The following RPH3AL variants were observed in gnomAD, a reference collection of about 807,000 sequenced individuals.
The protein encoded by RPH3AL is rab effector Noc2.
Under a neutral mutation model 43.1 loss-of-function variants are expected in RPH3AL, and 38 were observed. The ratio of observed to expected loss-of-function variants is 0.88; its 90% CI spans 0.68 to 1.15. The LOEUF (loss-of-function observed/expected upper bound fraction) is 1.15. RPH3AL is among the 50% of genes most tolerant of loss of function. The pLI is 0.00. For synonymous variants in RPH3AL, 189 were observed against 176.3 expected (o/e 1.07, Z -0.57); for missense variants, 462 against 423.2 (o/e 1.09, Z -0.81).
At chr17:351,937 G>A (rs2045361173) in intron 1 of RPH3AL, among the ~76,000 whole-genome samples, 1 of 152,226 alleles carries the variant, frequency 6.6e-6, no homozygotes, top group African/African-American at 2.4e-5. Flanking sequence ...AGGGACAAGG[G>A]TCCCGAAACG....
intron 5 of RPH3AL, among the ~76,000 whole-genome samples, chr17:304,317 A>G (rs987340892): frequency 8.6e-5 from 13 of 151,732 alleles, no homozygotes; most frequent in Non-Finnish European, 1.5e-5. Flanking sequence ...TCCAGGTGAG[A>G]GACCTGAAGC....
chr17:259,184 T>C (rs986514062), intron 6 of RPH3AL, among the ~76,000 whole-genome samples: 3 of 152,216 alleles, frequency 2.0e-5, no homozygotes, highest in Non-Finnish European at 4.4e-5. Context: ...CCAGCATGGC[T>C]GGTGATCTGG....
Position 215,727 on chromosome 17 carries a change from G to A in RPH3AL, c.803C>T (p.Ala268Val). 1 of 1,306,476 alleles carries A rather than the reference G, an allele frequency of 7.7e-7. No homozygotes were observed. 80.9% of individuals were successfully genotyped at this position (1,306,476 alleles called of 1,614,324 possible). The change falls in exon 9 of 10, where the codon GCC (alanine) becomes GTC (valine). Residue 268 changes from alanine to valine, a missense_variant. Transcript: ENST00000331302. This position sits in a 1 kb window ranked among gnomAD's most constrained non-coding sequence, Gnocchi z 4.1. Reference protein sequence around the residue: ...GHLSGCQSSLASGETGTGSAD... With the variant: ...GHLSGCQSSLVSGETGTGSAD... ...AGAGCCTGTCCCCGTCTCACCACTG[G>A]CCAGGCTGCTCTGGCACCCAGAGAG...
chr17:314,628 C>G (rs1339743241), intron 5 of RPH3AL, among the ~76,000 whole-genome samples: 1 of 118,644 alleles, frequency 8.4e-6, no homozygotes, highest in Non-Finnish European at 2.0e-5. Flanking sequence ...TGCCCCACCT[C>G]CATTGACCTG....
rs75224243 is a variant in RPH3AL at position 232,799 on chromosome 17, C to G, written c.614-13063G>C. Among the ~76,000 whole-genome samples the G allele has an allele frequency of 3.8e-3, 576 of 151,450 alleles. 4 individuals carry two copies. The highest frequency in any genetic ancestry group is 0.013 in the African/African-American group (548 of 41,134). On this transcript the variant is annotated intron_variant, in intron 7 of 9. Coordinates refer to ENST00000331302, the MANE Select transcript of RPH3AL (RefSeq NM_006987.4). ...TCAGGTGGTTCAAAGACAACTCCCC[C>G]CTTCCTTGTCTCTAAACAGTCCTTT...
chr17:285,851 G>A (rs764343499), intron 5 of RPH3AL, among the ~76,000 whole-genome samples: 15 of 152,092 alleles, frequency 9.9e-5, no homozygotes, highest in African/African-American at 2.7e-4. Context: ...GCCCCTCAGC[G>A]CGGCTCTATC....
At chr17:251,721 C>A (rs1311150430) in intron 6 of RPH3AL, among the ~76,000 whole-genome samples, 1 of 152,244 alleles carries the variant, frequency 6.6e-6, no homozygotes, top group African/African-American at 2.4e-5. Flanking sequence ...GAGCAGGTAC[C>A]CAAGTCCAAA....
At chr17:324,285 T>A (rs1347257141) in intron 3 of RPH3AL, among the ~76,000 whole-genome samples, 1 of 152,194 alleles carries the variant, frequency 6.6e-6, no homozygotes, top group Non-Finnish European at 1.5e-5. Flanking sequence ...TGCCTCCACC[T>A]GCTCCGCCTC....
Position 333,011 on chromosome 17 carries a change from G to A in RPH3AL, c.-37+748C>T. On this transcript the variant is annotated intron_variant, in intron 2 of 9. Coordinates refer to ENST00000331302, the MANE Select transcript of RPH3AL (RefSeq NM_006987.4). This position sits in a 1 kb window ranked among gnomAD's most constrained non-coding sequence, Gnocchi z 4.5. ...AGGGGACAGAGGCTCATCAGCCCCA[G>A]GCAACTTCCTGAGACAGATCGGTAA... The A allele has an allele frequency of 7.8e-7, 1 of 1,286,966 alleles. No homozygotes were observed. The highest frequency in any genetic ancestry group is 1.0e-6 in the Non-Finnish European group (1 of 986,852). The allele number at this position is 1,286,966 out of a possible 1,614,324, so 79.7% of individuals were successfully genotyped here. A position where few individuals can be genotyped will look rare whatever the true frequency, so the allele number is the denominator to read the frequency against.
chr17:320,810 T>C (rs1160077475), intron 4 of RPH3AL, among the ~76,000 whole-genome samples: 1 of 152,240 alleles, frequency 6.6e-6, no homozygotes, highest in Admixed American at 6.5e-5. Context: ...ACGATGGAAG[T>C]GCTGGAAGAC....
rs1053356952 is a variant in RPH3AL at position 289,790 on chromosome 17, T to C, written c.352-7936A>G. Among the ~76,000 whole-genome samples, 2 of 152,168 alleles carry C rather than the reference T, an allele frequency of 1.3e-5. No individual in the cohort carries two copies. The highest frequency in any genetic ancestry group is 6.5e-5 in the Admixed American group (1 of 15,278). ...TTGCCCCCTCTGTGTGGCCACGCTGTCTCTTCATTAACCTACACACCCCTC... is the reference window on the plus strand; with the variant it reads ...TTGCCCCCTCTGTGTGGCCACGCTGCCTCTTCATTAACCTACACACCCCTC... On this transcript the variant is annotated intron_variant, in intron 5 of 9. Transcript: ENST00000331302. This position sits in a 1 kb window ranked among gnomAD's most constrained non-coding sequence, Gnocchi z 5.2.
intron 6 of RPH3AL, among the ~76,000 whole-genome samples, chr17:268,855 G>C (rs560495383): frequency 2.6e-5 from 4 of 151,982 alleles, no homozygotes; most frequent in Middle Eastern, 6.8e-3. Flanking sequence ...CATGCTACCA[G>C]GCCTGGATGA....
intron 7 of RPH3AL, among the ~76,000 whole-genome samples, chr17:244,799 G>C (rs75929675): frequency 6.6e-6 from 1 of 152,158 alleles, no homozygotes; most frequent in Non-Finnish European, 1.5e-5. Flanking sequence ...AGTGAGGGGG[G>C]CTCTGCTCCT....
intron 6 of RPH3AL, among the ~76,000 whole-genome samples, chr17:251,525 C>T (rs2041901144): frequency 6.6e-6 from 1 of 152,236 alleles, no homozygotes; most frequent in Non-Finnish European, 1.5e-5. Context: ...AGATGCAAAG[C>T]AGATGCTCAC....
chr17:249,933 G>C (rs988951457), intron 6 of RPH3AL, among the ~76,000 whole-genome samples: 6 of 142,910 alleles, frequency 4.2e-5, no homozygotes, highest in African/African-American at 1.3e-4. Flanking sequence ...AAGCTCCGTC[G>C]CTGCGGGACC....
rs112858610 is a variant in RPH3AL at position 261,521 on chromosome 17, C to T, written c.439-14236G>A. ...AAACAAATTCCCACTGTTTACACCA[C>T]TCAGTCTATGGTATGTTGTTATGGT... On this transcript the variant is annotated intron_variant, in intron 6 of 9. Transcript: ENST00000331302. Among the ~76,000 whole-genome samples, 554 of 152,320 alleles carry T rather than the reference C, an allele frequency of 3.6e-3. 3 individuals are homozygous for T. Among genetic ancestry groups the T allele is most frequent in the African/African-American group, 0.012 (518 of 41,576 alleles).
intron 7 of RPH3AL, among the ~76,000 whole-genome samples, chr17:243,667 A>C (rs1597917429): frequency 1.7e-5 from 2 of 117,262 alleles, no homozygotes; most frequent in Admixed American, 8.6e-5. Flanking sequence ...TCTATTGACT[A>C]CCTTCCTCTA....
At chr17:314,277 C>T (rs1053849904) in intron 5 of RPH3AL, among the ~76,000 whole-genome samples, 2 of 152,202 alleles carry the variant, frequency 1.3e-5, no homozygotes, top group African/African-American at 4.8e-5. Context: ...CCACAGGCCC[C>T]TATACCTGGA....
intron 5 of RPH3AL, among the ~76,000 whole-genome samples, chr17:307,041 C>A (rs931004301): frequency 3.9e-5 from 6 of 152,052 alleles, no homozygotes; most frequent in Admixed American, 2.6e-4. Flanking sequence ...AGCCCGGGGG[C>A]CTCCCCCACC....
Sources: allele counts gnomAD v4.1 joint callset (sites outside exome capture counted in the v4.1 genomes callset), GRCh38; gene constraint gnomAD v4.1.1; non-coding constraint Gnocchi (gnomAD v3.1); transcripts MANE v1.5; gene names NCBI Gene and HGNC (gene_info 2026-07-23, HGNC 2026-07-21).